Variants in ZNF804A observed in about 807,000 individuals in gnomAD.
ZNF804A encodes the protein zinc finger protein 804A.
ZNF804A carries 2 observed loss-of-function variants against 16.5 expected under a neutral mutation model. That is an observed-to-expected ratio of 0.12 (90% CI 0.05 to 0.38). ZNF804A has a LOEUF of 0.38. Among genes scored for constraint, ZNF804A ranks in the 10% least tolerant of loss-of-function variants. The probability of loss-of-function intolerance (pLI) is 0.99; values close to 1 mark genes in which losing one functional copy is unlikely to be tolerated. For synonymous variants in ZNF804A, 534 were observed against 489.6 expected, an observed-to-expected ratio of 1.09 and a Z score of -1.20; for missense variants, 1,473 against 1,390.7, an observed-to-expected ratio of 1.06 and a Z score of -0.94.
chr2:184,811,538 C>G (rs899629353), intron 1 of ZNF804A, among the ~76,000 whole-genome samples: 1 of 151,752 alleles, frequency 6.6e-6, no homozygotes, highest in Non-Finnish European at 1.5e-5. Flanking sequence ...ATTATAGTAC[C>G]AGCATTGGGA....
intron 1 of ZNF804A, among the ~76,000 whole-genome samples, chr2:184,807,066 A>C (rs1338975640): frequency 1.3e-5 from 2 of 151,714 alleles, no homozygotes; most frequent in African/African-American, 4.8e-5. Context: ...CCCCTGTCCA[A>C]CTTGGCATAG....
chr2:184,685,368 C>T (rs1272248894), intron 1 of ZNF804A, among the ~76,000 whole-genome samples: 9 of 151,968 alleles, frequency 5.9e-5, no homozygotes, highest in Admixed American at 4.6e-4. Context: ...CCCAAAGGGC[C>T]GCAGCTCTTC....
chr2:184,612,458 G>T (rs77398649), intron 1 of ZNF804A, among the ~76,000 whole-genome samples: 2 of 148,638 alleles, frequency 1.3e-5, no homozygotes, highest in South Asian at 2.1e-4. Flanking sequence ...TTGGGGGGGG[G>T]ACGGAGTCTT....
chr2:184,876,489 A>G lies in ZNF804A; in HGVS notation c.255+9977A>G, dbSNP rs189642300. Among the ~76,000 whole-genome samples the G allele has an allele frequency of 3.3e-5, 5 of 152,300 alleles. No homozygotes were observed. The East Asian group carries it at 9.6e-4, about 29-fold the overall frequency. Reference sequence around the variant, plus strand: ...TTCTCTTAGAACAAATTAAAGACATACAGTTTGCTCCTACAGAGCCCTCAA... The same window carrying G: ...TTCTCTTAGAACAAATTAAAGACATGCAGTTTGCTCCTACAGAGCCCTCAA... On this transcript the variant is annotated intron_variant, in intron 2 of 3. Transcript: ENST00000302277.
At chr2:184,743,301 C>T (rs1358218350) in intron 1 of ZNF804A, among the ~76,000 whole-genome samples, 3 of 152,074 alleles carry the variant, frequency 2.0e-5, no homozygotes, top group East Asian at 3.9e-4. Flanking sequence ...CAGCAAGTTA[C>T]ATCAACTCTA....
chr2:184,798,779 G>A (rs184624216), intron 1 of ZNF804A, among the ~76,000 whole-genome samples: 6 of 152,078 alleles, frequency 3.9e-5, no homozygotes, highest in Admixed American at 3.3e-4. Flanking sequence ...TGGTGAATTA[G>A]TGTGATTTTT....
chr2:184,834,799 C>T (rs1175412241), intron 1 of ZNF804A, among the ~76,000 whole-genome samples: 1 of 152,116 alleles, frequency 6.6e-6, no homozygotes, highest in Non-Finnish European at 1.5e-5. Context: ...ATACATGCTT[C>T]AATTTCTCTG....
intron 2 of ZNF804A, among the ~76,000 whole-genome samples, chr2:184,876,365 C>T (rs955366273): frequency 1.3e-5 from 2 of 150,322 alleles, no homozygotes; most frequent in African/African-American, 4.8e-5. Flanking sequence ...AATACAATCA[C>T]TTCACATATC....
chr2:184,733,945 TGATCTTTTAAA>T (rs564865860), intron 1 of ZNF804A, among the ~76,000 whole-genome samples: 32 of 152,282 alleles, frequency 2.1e-4, no homozygotes, highest in Non-Finnish European at 4.1e-4. Context: ...ATCATTTTGT[TGATCTTTTAAA>T]GAACCAGCTT....
chr2:184,604,840 A>G (rs1287784452), intron 1 of ZNF804A, among the ~76,000 whole-genome samples: 1 of 152,098 alleles, frequency 6.6e-6, no homozygotes, highest in African/African-American at 2.4e-5. Context: ...GCTTGAACTG[A>G]ATTAACAGTA....
chr2:184,789,231 G>T (rs2105777767), intron 1 of ZNF804A, among the ~76,000 whole-genome samples: 1 of 152,020 alleles, frequency 6.6e-6, no homozygotes, highest in Admixed American at 6.5e-5. Flanking sequence ...TGTTGGAATT[G>T]GTTTGCTAGC....
At chr2:184,807,780 C>A (rs7577653) in intron 1 of ZNF804A, among the ~76,000 whole-genome samples, 5,555 of 151,516 alleles carry the variant, frequency 0.037, 332 homozygotes, top group African/African-American at 0.12. Flanking sequence ...GTTTCCAATA[C>A]AGCAGTATAG....
intron 1 of ZNF804A, among the ~76,000 whole-genome samples, chr2:184,797,599 G>T (rs1411967612): frequency 2.0e-5 from 3 of 152,110 alleles, no homozygotes; most frequent in East Asian, 3.8e-4. Flanking sequence ...CTTTTAAGTG[G>T]AGCATTTAGG....
chr2:184,642,200 T>C (rs1691805925), intron 1 of ZNF804A, among the ~76,000 whole-genome samples: 1 of 152,200 alleles, frequency 6.6e-6, no homozygotes, highest in Admixed American at 6.5e-5. Context: ...TCATATGTGT[T>C]GCTGATGTAT....
chr2:184,790,783 T>G (rs1694527729), intron 1 of ZNF804A, among the ~76,000 whole-genome samples: 1 of 151,970 alleles, frequency 6.6e-6, no homozygotes, highest in South Asian at 2.1e-4. Flanking sequence ...TTTTGTATTT[T>G]TAGTAGAGAC....
rs1394218635 is a variant in ZNF804A at position 184,936,796 on chromosome 2, C to T, written c.1400C>T (p.Thr467Ile). The T allele has an allele frequency of 1.7e-5, 28 of 1,613,364 alleles. No homozygotes were observed. Among genetic ancestry groups the T allele is most frequent in the Non-Finnish European group, 2.4e-5 (28 of 1,179,766 alleles). The change falls in exon 4 of 4, where the codon ACT becomes ATT. Residue 467 changes from threonine (T) to isoleucine (I), a missense_variant. Coordinates refer to ENST00000302277, the MANE Select transcript of ZNF804A (RefSeq NM_194250.2). ...CCTCTATGTTTTGACTTCAAGTCTACTAAAGTAAATAATAATCTAGATAAA... is the reference window on the plus strand; with the variant it reads ...CCTCTATGTTTTGACTTCAAGTCTATTAAAGTAAATAATAATCTAGATAAA... ...CNPLCFDFKSTKVNNNLDKNK... is the reference protein window; with the variant it reads ...CNPLCFDFKSIKVNNNLDKNK...
intron 2 of ZNF804A, among the ~76,000 whole-genome samples, chr2:184,930,215 G>A (rs1685674045): frequency 6.6e-6 from 1 of 152,026 alleles, no homozygotes; most frequent in South Asian, 2.1e-4. Context: ...TAAAATTTAT[G>A]AGCAAAATAT....
chr2:184,648,658 A>G lies in ZNF804A; in HGVS notation c.111+49588A>G, dbSNP rs1343811320. Reference sequence around the variant, plus strand: ...TTGCTATTCTTATATCAAATAAAATAGACTTTGAAATAACAATTGTCAAAA... The same window carrying G: ...TTGCTATTCTTATATCAAATAAAATGGACTTTGAAATAACAATTGTCAAAA... On this transcript the variant is annotated intron_variant, in intron 1 of 3. Transcript: ENST00000302277. 3.3e-5 allele frequency among the ~76,000 whole-genome samples: 5 copies of G among 152,330 alleles called. No homozygotes were observed. In the East Asian group the frequency reaches 5.8e-4, roughly 18 times the overall value.
chr2:184,702,278 T>G (rs773702987), intron 1 of ZNF804A, among the ~76,000 whole-genome samples: 6 of 152,160 alleles, frequency 3.9e-5, no homozygotes, highest in Non-Finnish European at 8.8e-5. Flanking sequence ...ACAACTGGAA[T>G]GCAACTGTTT....
Sources: allele counts gnomAD v4.1 joint callset (sites outside exome capture counted in the v4.1 genomes callset), GRCh38; gene constraint gnomAD v4.1.1; transcripts MANE v1.5; gene names NCBI Gene and HGNC (gene_info 2026-07-23, HGNC 2026-07-21).